Variants in TOP1 observed in about 807,000 individuals in gnomAD.
TOP1 encodes DNA topoisomerase I.
TOP1 carries 10 observed loss-of-function variants against 111.1 expected under a neutral mutation model. The ratio of observed to expected loss-of-function variants is 0.09; its 90% CI spans 0.06 to 0.15. The LOEUF (loss-of-function observed/expected upper bound fraction) is 0.15, where lower values mean the gene tolerates loss of function less well. Among genes scored for constraint, TOP1 ranks in the 10% least tolerant of loss-of-function variants. TOP1 has a pLI of 1.00. For missense variants in TOP1, 474 were observed against 926.7 expected, an observed-to-expected ratio of 0.51 and a Z score of 6.34; for synonymous variants, 271 against 302.9, an observed-to-expected ratio of 0.89 and a Z score of 1.10.
chr20:41,081,352 T>C, intron 7 of TOP1, 112 bp downstream of exon 7: 1 of 1,286,562 alleles, frequency 7.8e-7, no homozygotes, highest in Non-Finnish European at 1.0e-6. Flanking sequence ...TGTTATAACA[T>C]TAGGGAAAAC....
intron 2 of TOP1, among the ~76,000 whole-genome samples, chr20:41,045,162 T>A (rs1164321200): frequency 2.0e-5 from 3 of 152,080 alleles, no homozygotes; most frequent in Non-Finnish European, 4.4e-5. Context: ...TTTTATTTTA[T>A]TTTAATTTAA....
chr20:41,045,877 T>C (rs2122602450), intron 2 of TOP1, among the ~76,000 whole-genome samples: 1 of 152,328 alleles, frequency 6.6e-6, no homozygotes, highest in Admixed American at 6.5e-5. Flanking sequence ...GGGGTTATCT[T>C]CTCACTTGCA....
intron 2 of TOP1, among the ~76,000 whole-genome samples, chr20:41,043,692 C>T (rs2033296331): frequency 6.6e-6 from 1 of 152,142 alleles, no homozygotes; most frequent in South Asian, 2.1e-4. Context: ...GTTTGGAGGC[C>T]CCTGACCATT....
chr20:41,065,920 G>A (rs1302615510), intron 3 of TOP1, among the ~76,000 whole-genome samples: 1 of 152,082 alleles, frequency 6.6e-6, no homozygotes, highest in Admixed American at 6.5e-5. Flanking sequence ...TCCAACAATG[G>A]GTGGCTGCCT....
In TOP1 at chr20:41,122,237, A is replaced by G; in HGVS notation, c.2195+82A>G. 1.4e-6 allele frequency: 2 copies of G among 1,429,492 alleles called. No individual in the cohort carries two copies. The highest frequency in any genetic ancestry group is 1.8e-4 in the Middle Eastern group (1 of 5,562). The allele number at this position is 1,429,492 out of a possible 1,614,324, so 88.6% of individuals were successfully genotyped here. A position where few individuals can be genotyped will look rare whatever the true frequency, so the allele number is the denominator to read the frequency against. ...TTCCGAGAGCACTGGTGGCCTTCAC[A>G]TGCCATTCCTAAGCTACACACTTTA... On this transcript the variant is annotated intron_variant, in intron 20 of 20. Coordinates refer to ENST00000361337, the MANE Select transcript of TOP1 (RefSeq NM_003286.4). This position sits in a 1 kb window ranked among gnomAD's most constrained non-coding sequence, Gnocchi z 5.4.
chr20:41,066,794 T>G lies in TOP1; in HGVS notation c.155+5304T>G, dbSNP rs532147684. On this transcript the variant is annotated intron_variant, in intron 3 of 20. Coordinates refer to ENST00000361337, the MANE Select transcript of TOP1 (RefSeq NM_003286.4). ...TGGTCTCAATCTCCTGACCTCGTGA[T>G]CCACCTGCCTCGGCCTCCCAAAGTC... is the stretch of plus-strand genomic sequence containing the variant. 9.9e-5 allele frequency among the ~76,000 whole-genome samples: 15 copies of G among 152,240 alleles called. 1 individual carries two copies. The South Asian group carries it at 2.3e-3, about 23-fold the overall frequency.
intron 8 of TOP1, among the ~76,000 whole-genome samples, chr20:41,088,999 C>T (rs1250848484): frequency 6.9e-6 from 1 of 145,412 alleles, no homozygotes; most frequent in Admixed American, 6.8e-5. Flanking sequence ...AACAATTCCC[C>T]ACTTCTCTGT....
intron 2 of TOP1, among the ~76,000 whole-genome samples, chr20:41,049,672 T>G (rs2033378874): frequency 6.6e-6 from 1 of 152,174 alleles, no homozygotes; most frequent in African/African-American, 2.4e-5. Flanking sequence ...ATTATGCTTA[T>G]TATGAAACTT....
intron 7 of TOP1, among the ~76,000 whole-genome samples, chr20:41,081,656 T>C (rs1246390682): frequency 6.6e-6 from 1 of 152,224 alleles, no homozygotes. Context: ...AGTTCTTTAA[T>C]GGGTACCCCT....
rs73909127 is a variant in TOP1, at chr20:41,032,239, C to T, written c.58+2784C>T. Among the ~76,000 whole-genome samples, 1,084 of 151,878 alleles carry T rather than the reference C, an allele frequency of 7.1e-3. 9 individuals carry two copies. Among genetic ancestry groups the T allele is most frequent in the African/African-American group, 0.025 (1,038 of 41,406 alleles). The stretch of plus-strand genomic sequence containing the variant: ...CTCATCCCCTAAGATATAAAAGATT[C>T]CCCCCCGTCCCCCCACTTTGGAGCT... On this transcript the variant is annotated intron_variant, in intron 2 of 20. Transcript: ENST00000361337. This position sits in a 1 kb window ranked among gnomAD's most constrained non-coding sequence, Gnocchi z 4.3.
Position 41,102,510 on chromosome 20 carries a change from G to A in TOP1, c.1308+1157G>A, listed in dbSNP as rs1364906419. ...CTGTAATCCCATCTACTTGGGAGGC[G>A]GAGGCAGGAGAATCGCTTGAACCTG... On this transcript the variant is annotated intron_variant, in intron 13 of 20. Coordinates refer to ENST00000361337, the MANE Select transcript of TOP1 (RefSeq NM_003286.4). The surrounding 1 kb of genome is among the most constrained non-coding windows in gnomAD (Gnocchi z 4.0). Among the ~76,000 whole-genome samples, 2 of 152,042 alleles carry A rather than the reference G, an allele frequency of 1.3e-5. No homozygotes were observed. Among genetic ancestry groups the A allele is most frequent in the African/African-American group, 2.4e-5 (1 of 41,396 alleles).
chr20:41,097,072 T>C lies in TOP1; in HGVS notation c.731-148T>C. On this transcript the variant is annotated intron_variant, in intron 9 of 20. Transcript: ENST00000361337. The surrounding 1 kb of genome is among the most constrained non-coding windows in gnomAD (Gnocchi z 4.2). ...CAAGTAGATATAAATCAGTATGTTG[T>C]CTTTGTTGTTGTTGCTACTATGTGT... is the stretch of plus-strand genomic sequence containing the variant. 1.4e-6 allele frequency: 1 copy of C among 728,500 alleles called. No homozygotes were observed. The highest frequency in any genetic ancestry group is 2.2e-6 in the Non-Finnish European group (1 of 451,896). 45.1% of individuals were successfully genotyped at this position (728,500 alleles called of 1,614,324 possible).
At position 41,115,146 on chromosome 20, in the gene TOP1, A is replaced by C. The variant is rs116112624; in HGVS notation, c.1639-225A>C. 2.6e-5 allele frequency among the ~76,000 whole-genome samples: 4 copies of C among 152,320 alleles called. No homozygotes were observed. Among genetic ancestry groups the C allele is most frequent in the Admixed American group, 6.5e-5 (1 of 15,302 alleles). On this transcript the variant is annotated intron_variant, in intron 15 of 20. Coordinates refer to ENST00000361337, the MANE Select transcript of TOP1 (RefSeq NM_003286.4). This position sits in a 1 kb window ranked among gnomAD's most constrained non-coding sequence, Gnocchi z 6.3. Reference sequence around the variant, plus strand: ...TAAGTGCTTATAAATGGCTCAGAACAAACAATTATGTATATATATCTGTAA... The same window carrying C: ...TAAGTGCTTATAAATGGCTCAGAACCAACAATTATGTATATATATCTGTAA...
At chr20:41,076,708 C>T (rs1352667331) in intron 4 of TOP1, among the ~76,000 whole-genome samples, 1 of 151,974 alleles carries the variant, frequency 6.6e-6, no homozygotes, top group Non-Finnish European at 1.5e-5. Flanking sequence ...CTAGGCTCAC[C>T]CAGCTGAGAA....
Position 41,123,128 on chromosome 20 carries a change from C to A in TOP1, c.2196-67C>A. ...GAAAGAGAAGATGGAACATCTGACC[C>A]TGGGCCTCAGATATGGGCCATTGCT... On this transcript the variant is annotated intron_variant, in intron 20 of 20. Transcript: ENST00000361337. This position sits in a 1 kb window ranked among gnomAD's most constrained non-coding sequence, Gnocchi z 5.8. 1.9e-6 allele frequency: 2 copies of A among 1,043,820 alleles called. No homozygotes were observed. Among genetic ancestry groups the A allele is most frequent in the Admixed American group, 1.8e-5 (1 of 54,828 alleles). The allele number at this position is 1,043,820 out of a possible 1,614,324, so 64.7% of individuals were successfully genotyped here. A position where few individuals can be genotyped will look rare whatever the true frequency, so the allele number is the denominator to read the frequency against.
Position 41,121,911 on chromosome 20 carries a change from C to T in TOP1, c.2046-95C>T, listed in dbSNP as rs1465069811. ...GAAATGTCTTTTGGAAATCTCTATA[C>T]TAGGGCTTTTATTGACTCAAAGTGG... On this transcript the variant is annotated intron_variant, in intron 19 of 20. Transcript: ENST00000361337. This position sits in a 1 kb window ranked among gnomAD's most constrained non-coding sequence, Gnocchi z 4.2. The T allele has an allele frequency of 2.6e-6, 4 of 1,564,254 alleles. No homozygotes were observed. The highest frequency in any genetic ancestry group is 3.5e-6 in the Non-Finnish European group (4 of 1,145,694).
At chr20:41,081,090 G>A in intron 6 of TOP1, 75 bp from the exon 7 acceptor site, 1 of 1,434,826 alleles carries the variant, frequency 7.0e-7, no homozygotes. Flanking sequence ...GCATCCAAGA[G>A]TTTGTAGGTC....
At position 41,116,134 on chromosome 20, in the gene TOP1, T is replaced by C; in HGVS notation, c.1708-144T>C. 1 of 599,330 alleles carries C rather than the reference T, an allele frequency of 1.7e-6. No individual in the cohort carries two copies. Among genetic ancestry groups the C allele is most frequent in the Non-Finnish European group, 3.0e-6 (1 of 332,636 alleles). The allele number at this position is 599,330 out of a possible 1,614,324, so 37.1% of individuals were successfully genotyped here. A position where few individuals can be genotyped will look rare whatever the true frequency, so the allele number is the denominator to read the frequency against. On this transcript the variant is annotated intron_variant, in intron 16 of 20. Coordinates refer to ENST00000361337, the MANE Select transcript of TOP1 (RefSeq NM_003286.4). This position sits in a 1 kb window ranked among gnomAD's most constrained non-coding sequence, Gnocchi z 5.6. ...ATCATGTAACCCTGTATTCTGGAAT[T>C]CTTTTCCTCTTTCCCTAACTTCCCA... is the stretch of plus-strand genomic sequence containing the variant.
intron 9 of TOP1, among the ~76,000 whole-genome samples, chr20:41,093,513 C>T (rs1213696652): frequency 6.6e-6 from 1 of 152,078 alleles, no homozygotes; most frequent in Non-Finnish European, 1.5e-5. Context: ...TCCTCTTCCA[C>T]CTCCACTTGT....
Sources: gnomAD v4.1 joint callset for allele counts (sites outside exome capture counted in the v4.1 genomes callset) on GRCh38, gnomAD v4.1.1 for gene constraint, Gnocchi (gnomAD v3.1) non-coding constraint, MANE v1.5 for transcripts, NCBI Gene and HGNC (gene_info 2026-07-23, HGNC 2026-07-21) for gene names.